SLIT2: variants seen among roughly 807,000 people sequenced by gnomAD.
SLIT2 encodes slit homolog 2 protein.
In SLIT2, 41 loss-of-function variants were observed where a neutral mutation model predicts 185.7. That is an observed-to-expected ratio of 0.22 (90% CI 0.17 to 0.29). The LOEUF (loss-of-function observed/expected upper bound fraction) is 0.29. SLIT2 is among the 10% of genes least tolerant of loss of function. The pLI is 1.00. For missense variants in SLIT2, 1,571 were observed against 1,909.0 expected, an observed-to-expected ratio of 0.82 and a Z score of 3.30; for synonymous variants, 693 against 680.2, an observed-to-expected ratio of 1.02 and a Z score of -0.29.
chr4:20,596,636 A>G lies in SLIT2; in HGVS notation c.3542A>G (p.Gln1181Arg). ...LQIPSAKVRP[Q>R]TNITLQIATD... is the part of the protein sequence containing the mutation. ...ATTCCTTCAGCCAAGGTTCGGCCTC[A>G]GACGAACATAACACTTCAGGTAAGA... is the stretch of plus-strand genomic sequence containing the variant. The change falls in exon 32 of 37, where the codon CAG (glutamine) becomes CGG (arginine). Residue 1181 changes from glutamine (Q) to arginine (R), a missense_variant. Gln to Arg is a conservative substitution (Grantham distance 43). This residue lies in a region of SLIT2 where 146 missense variants were observed against 247.4 expected (regional missense o/e 0.59). Transcript: ENST00000504154. 2 of 1,613,266 alleles carry G rather than the reference A, an allele frequency of 1.2e-6. No homozygotes were observed. The highest frequency in any genetic ancestry group is 1.7e-6 in the Non-Finnish European group (2 of 1,179,822).
intron 9 of SLIT2, among the ~76,000 whole-genome samples, chr4:20,493,135 A>C (rs1197559100): frequency 6.6e-6 from 1 of 152,180 alleles, no homozygotes; most frequent in African/African-American, 2.4e-5. Flanking sequence ...ACATTACTGA[A>C]AAAGAAACAT....
At chr4:20,511,712 G>C (rs958212793) in intron 11 of SLIT2, among the ~76,000 whole-genome samples, 2 of 150,980 alleles carry the variant, frequency 1.3e-5, no homozygotes, top group African/African-American at 4.9e-5. Flanking sequence ...ACAGGCATGA[G>C]CCACCGTGCC....
At chr4:20,381,778 C>T (rs1724535386) in intron 4 of SLIT2, among the ~76,000 whole-genome samples, 1 of 151,936 alleles carries the variant, frequency 6.6e-6, no homozygotes, top group African/African-American at 2.4e-5. Context: ...GTCAAGTCTA[C>T]ACAGATTTTT....
At chr4:20,530,553 G>C (rs889160652) in intron 16 of SLIT2, among the ~76,000 whole-genome samples, 1 of 152,086 alleles carries the variant, frequency 6.6e-6, no homozygotes, top group African/African-American at 2.4e-5. Context: ...AAAGTGCCAG[G>C]GTTACAGGCA....
chr4:20,556,575 GTC>G (rs1169441543), intron 26 of SLIT2, among the ~76,000 whole-genome samples: 3 of 151,252 alleles, frequency 2.0e-5, no homozygotes, highest in South Asian at 2.1e-4. Context: ...TAAGTCCCCT[GTC>G]TCTCTCTCTC....
intron 4 of SLIT2, among the ~76,000 whole-genome samples, chr4:20,320,499 A>G (rs1030322645): frequency 2.0e-4 from 31 of 152,022 alleles, no homozygotes; most frequent in African/African-American, 6.0e-4. Context: ...TGCTTATCAC[A>G]TACTCACTGT....
chr4:20,596,734 G>C, intron 32 of SLIT2, 79 bp downstream of exon 32: 1 of 1,401,486 alleles, frequency 7.1e-7, no homozygotes, highest in African/African-American at 1.4e-5. Context: ...GGTAGCTTCT[G>C]AATGATTGAT....
chr4:20,285,918 G>A (rs528297171), intron 4 of SLIT2, among the ~76,000 whole-genome samples: 51 of 152,348 alleles, frequency 3.3e-4, no homozygotes, highest in South Asian at 6.2e-4. Context: ...TGGTGATGCT[G>A]AGGATGGAGT....
chr4:20,516,292 G>GCAA (rs1211434956), intron 11 of SLIT2, among the ~76,000 whole-genome samples: 1 of 152,030 alleles, frequency 6.6e-6, no homozygotes, highest in Admixed American at 6.5e-5. Context: ...AAAAAGACTA[G>GCAA]CAACAACAAC....
intron 4 of SLIT2, among the ~76,000 whole-genome samples, chr4:20,450,811 C>T (rs556356605): frequency 5.2e-4 from 79 of 152,242 alleles, no homozygotes; most frequent in African/African-American, 1.6e-3. Context: ...TATATCCCTT[C>T]GTATGTAACA....
chr4:20,261,313 A>T (rs2109015523), intron 3 of SLIT2, among the ~76,000 whole-genome samples: 1 of 152,084 alleles, frequency 6.6e-6, no homozygotes, highest in South Asian at 2.1e-4. Flanking sequence ...GTCACAAATA[A>T]GCTGCAGTAA....
At chr4:20,468,180 A>G (rs1714566235) in intron 5 of SLIT2, among the ~76,000 whole-genome samples, 1 of 152,110 alleles carries the variant, frequency 6.6e-6, no homozygotes, top group Admixed American at 6.6e-5. Context: ...TATTAGAAAC[A>G]AAACTGTTAG....
At position 20,488,725 on chromosome 4, in the gene SLIT2, C is replaced by CT. The variant is rs1354894904; in HGVS notation, c.612-91dup. ...AATAATTATATTGGAATCTGCTTAG[C>CT]TTTATCTACTTCTATGTTAAGAAAT... On this transcript the variant is annotated intron_variant, in intron 7 of 36. Coordinates refer to ENST00000504154, the MANE Select transcript of SLIT2 (RefSeq NM_004787.4). 126 of 848,252 alleles carry CT rather than the reference C, an allele frequency of 1.5e-4. No homozygotes were observed. In the Middle Eastern group the frequency reaches 3.5e-3, roughly 23 times the overall value. 52.5% of individuals were successfully genotyped at this position (848,252 alleles called of 1,614,324 possible).
chr4:20,585,606 A>G (rs941584851), intron 29 of SLIT2, among the ~76,000 whole-genome samples: 2 of 152,198 alleles, frequency 1.3e-5, no homozygotes, highest in African/African-American at 2.4e-5. Flanking sequence ...AACCACTCCA[A>G]TGGATTGACT....
chr4:20,463,640 C>T (rs1332291988), intron 4 of SLIT2, among the ~76,000 whole-genome samples: 9 of 148,726 alleles, frequency 6.1e-5, no homozygotes, highest in South Asian at 2.1e-4. Flanking sequence ...TTTGGGAGGC[C>T]GAGGCGGGTG....
intron 26 of SLIT2, among the ~76,000 whole-genome samples, chr4:20,561,529 C>A (rs1209222439): frequency 6.6e-6 from 1 of 151,512 alleles, no homozygotes; most frequent in Non-Finnish European, 1.5e-5. Flanking sequence ...TAATTGAGCC[C>A]AACCTAAAGC....
chr4:20,450,093 C>G (rs1241097395), intron 4 of SLIT2, among the ~76,000 whole-genome samples: 6 of 152,074 alleles, frequency 3.9e-5, no homozygotes, highest in Admixed American at 3.3e-4. Flanking sequence ...GGAAGATTAC[C>G]TTTGATAATG....
chr4:20,493,069 A>AT (rs1255575003), intron 9 of SLIT2, among the ~76,000 whole-genome samples: 4 of 152,162 alleles, frequency 2.6e-5, no homozygotes, highest in Non-Finnish European at 5.9e-5. Context: ...ATCTTTTAGT[A>AT]TTTTTTGGCT....
chr4:20,299,260 T>C (rs1433018878), intron 4 of SLIT2, among the ~76,000 whole-genome samples: 1 of 152,192 alleles, frequency 6.6e-6, no homozygotes, highest in Non-Finnish European at 1.5e-5. Flanking sequence ...TATTGCTTTA[T>C]CAGTAAGAAT....
Sources: allele counts gnomAD v4.1 joint callset (sites outside exome capture counted in the v4.1 genomes callset), GRCh38; gene constraint gnomAD v4.1.1; regional missense constraint gnomAD v4.1.1; transcripts MANE v1.5; gene names NCBI Gene and HGNC (gene_info 2026-07-23, HGNC 2026-07-21).